Variants in DLC1 observed in about 807,000 individuals in gnomAD.
DLC1 encodes the protein DLC1 Rho GTPase activating protein, also known as rho GTPase-activating protein 7.
In DLC1, 54 loss-of-function variants were observed where a neutral mutation model predicts 140.3. That is an observed-to-expected ratio of 0.38 (90% CI 0.31 to 0.48). The LOEUF (loss-of-function observed/expected upper bound fraction) is 0.48, where lower values mean the gene tolerates loss of function less well. Among genes scored for constraint, DLC1 ranks in the 20% least tolerant of loss-of-function variants. DLC1 has a pLI of 0.96. For missense variants in DLC1, 2,536 were observed against 1,907.0 expected, an observed-to-expected ratio of 1.33 and a Z score of -6.14; for synonymous variants, 986 against 728.1, an observed-to-expected ratio of 1.35 and a Z score of -5.70.
At chr8:13,504,099 T>C (rs955311067) in intron 1 of DLC1, among the ~76,000 whole-genome samples, 1 of 151,788 alleles carries the variant, frequency 6.6e-6, no homozygotes. Context: ...GAGGGTAACA[T>C]TTATCAGAAA....
At chr8:13,224,377 C>T (rs1156525682) in intron 5 of DLC1, among the ~76,000 whole-genome samples, 1 of 152,166 alleles carries the variant, frequency 6.6e-6, no homozygotes, top group Non-Finnish European at 1.5e-5. Context: ...CCATGATCAT[C>T]ATGAGACCAA....
intron 5 of DLC1, among the ~76,000 whole-genome samples, chr8:13,215,155 A>T (rs1337552505): frequency 6.6e-6 from 1 of 152,230 alleles, no homozygotes; most frequent in Non-Finnish European, 1.5e-5. Flanking sequence ...TACTTTCTAC[A>T]TTCTCTATAT....
intron 7 of DLC1, among the ~76,000 whole-genome samples, chr8:13,105,402 C>A (rs1819478396): frequency 6.6e-6 from 1 of 152,082 alleles, no homozygotes; most frequent in Admixed American, 6.5e-5. Flanking sequence ...GCGGGCCAGG[C>A]ACTATGCTAG....
upstream of DLC1, chr8:13,515,677 C>T (rs1253099024): frequency 6.6e-6 from 1 of 152,198 alleles, no homozygotes; most frequent in Non-Finnish European, 1.5e-5. Flanking sequence ...TTTCTGCTTT[C>T]TTGTGCCTCC....
At chr8:13,428,882 A>G (rs1245513619) in intron 2 of DLC1, among the ~76,000 whole-genome samples, 1 of 152,188 alleles carries the variant, frequency 6.6e-6, no homozygotes, top group African/African-American at 2.4e-5. Context: ...CCAATTATAG[A>G]AGAGACCTAA....
At chr8:13,105,806 G>A (rs1005143002) in intron 7 of DLC1, among the ~76,000 whole-genome samples, 1 of 152,094 alleles carries the variant, frequency 6.6e-6, no homozygotes, top group African/African-American at 2.4e-5. Flanking sequence ...TCGACCTCCT[G>A]AGCTCAGGCA....
At chr8:13,167,529 C>A (rs1255962233) in intron 5 of DLC1, among the ~76,000 whole-genome samples, 1 of 152,178 alleles carries the variant, frequency 6.6e-6, no homozygotes, top group Non-Finnish European at 1.5e-5. Flanking sequence ...GGTCTCAAAG[C>A]TGCTATTTGT....
chr8:13,260,107 G>C (rs1830415373), intron 5 of DLC1, among the ~76,000 whole-genome samples: 1 of 152,156 alleles, frequency 6.6e-6, no homozygotes, highest in Non-Finnish European at 1.5e-5. Context: ...AAGGAGACAG[G>C]AATGGCTAAA....
chr8:13,448,290 A>G (rs1272558016), intron 2 of DLC1, among the ~76,000 whole-genome samples: 2 of 152,104 alleles, frequency 1.3e-5, no homozygotes, highest in East Asian at 3.9e-4. Flanking sequence ...TTCGAGCAAT[A>G]GTCATGGGAT....
At chr8:13,494,617 A>T (rs1320746415) in intron 2 of DLC1, among the ~76,000 whole-genome samples, 1 of 152,160 alleles carries the variant, frequency 6.6e-6, no homozygotes, top group Admixed American at 6.5e-5. Flanking sequence ...AACCACTATT[A>T]TGCTTTCTGA....
chr8:13,588,245 G>T (rs892536691), intron 1 of DLC1, among the ~76,000 whole-genome samples: 4 of 152,078 alleles, frequency 2.6e-5, no homozygotes. Context: ...CTGGTGCCCA[G>T]TTGATTAGAA....
At chr8:13,171,486 G>A in intron 5 of DLC1, among the ~76,000 whole-genome samples, 1 of 152,030 alleles carries the variant, frequency 6.6e-6, no homozygotes, top group East Asian at 1.9e-4. Flanking sequence ...AAACTCCTGG[G>A]CTCAAGCAAT....
chr8:13,169,606 C>T (rs1303406104), intron 5 of DLC1, among the ~76,000 whole-genome samples: 1 of 152,132 alleles, frequency 6.6e-6, no homozygotes, highest in Non-Finnish European at 1.5e-5. Flanking sequence ...TTGGCCAAGT[C>T]TTAATCTTTG....
At chr8:13,134,762 C>T (rs1012403536) in intron 5 of DLC1, among the ~76,000 whole-genome samples, 1 of 151,984 alleles carries the variant, frequency 6.6e-6, no homozygotes, top group African/African-American at 2.4e-5. Context: ...AGCTTGAGAC[C>T]AGGGTTGGCA....
chr8:13,237,342 A>G (rs1829333206), intron 5 of DLC1, among the ~76,000 whole-genome samples: 1 of 149,884 alleles, frequency 6.7e-6, no homozygotes, highest in African/African-American at 2.4e-5. Context: ...ATATATATAT[A>G]CACACACACA....
intron 7 of DLC1, among the ~76,000 whole-genome samples, chr8:13,104,114 C>T (rs1250957904): frequency 6.6e-6 from 1 of 151,978 alleles, no homozygotes; most frequent in Non-Finnish European, 1.5e-5. Flanking sequence ...GAACAGCTTC[C>T]TGTTATAGGA....
intron 5 of DLC1, among the ~76,000 whole-genome samples, chr8:13,197,191 C>T (rs1044654841): frequency 1.7e-4 from 26 of 152,212 alleles, no homozygotes; most frequent in African/African-American, 6.3e-4. Flanking sequence ...TTCAAAATTT[C>T]GGAAATGTTC....
At chr8:13,502,317 G>A (rs962223304) in intron 1 of DLC1, among the ~76,000 whole-genome samples, 3 of 152,044 alleles carry the variant, frequency 2.0e-5, no homozygotes, top group Non-Finnish European at 4.4e-5. Context: ...TAATCTAGGT[G>A]CTTTCAACAT....
chr8:13,305,151 A>G, intron 5 of DLC1, 118 bp downstream of exon 5: 1 of 1,417,062 alleles, frequency 7.1e-7, no homozygotes, highest in South Asian at 1.7e-5. Flanking sequence ...TTTAAACAAC[A>G]TTTTCCCATA....
Sources: allele counts gnomAD v4.1 joint callset (sites outside exome capture counted in the v4.1 genomes callset), GRCh38; gene constraint gnomAD v4.1.1; transcripts MANE v1.5; gene names NCBI Gene and HGNC (gene_info 2026-07-23, HGNC 2026-07-21).